MMP2: variants seen among roughly 807,000 people sequenced by gnomAD.
MMP2 encodes 72 kDa type IV collagenase.
A neutral mutation model predicts 74.8 loss-of-function variants in MMP2; 39 were observed. The observed-to-expected ratio is 0.52, with a 90% CI of 0.40 to 0.68. The LOEUF is 0.68. MMP2 is among the 30% of genes least tolerant of loss of function. MMP2 has a pLI of 0.00. For missense variants in MMP2, 803 were observed against 878.3 expected, an observed-to-expected ratio of 0.91 and a Z score of 1.08; for synonymous variants, 367 against 339.8, an observed-to-expected ratio of 1.08 and a Z score of -0.88.
chr16:55,492,439 T>A (rs1596819207), intron 8 of MMP2, among the ~76,000 whole-genome samples: 1 of 137,270 alleles, frequency 7.3e-6, no homozygotes, highest in Non-Finnish European at 1.5e-5. Context: ...ATTTATTTAT[T>A]TATTTATTTA....
chr16:55,494,517 G>C (rs1010376506), intron 9 of MMP2, among the ~76,000 whole-genome samples: 1 of 152,200 alleles, frequency 6.6e-6, no homozygotes, highest in Non-Finnish European at 1.5e-5. Flanking sequence ...ACAGTGGGGT[G>C]GGGGGCTGCT....
In MMP2 at chr16:55,482,983, G is replaced by A. The variant is rs748926564; in HGVS notation, c.228G>A (p.Lys76=). ...NLFVLKDTLK[K]MQKFFGLPQT... is the part of the protein sequence containing the mutation. ...TTGTGCTGAAGGACACACTAAAGAA[G>A]ATGCAGAAGTTCTTTGGACTGCCCC... Residue 76 remains lysine, a synonymous_variant, in exon 2 of 13, where the codon AAG becomes AAA. Coordinates refer to ENST00000219070, the MANE Select transcript of MMP2 (RefSeq NM_004530.6). The A allele has an allele frequency of 2.0e-5, 33 of 1,614,092 alleles. No homozygotes were observed. Among genetic ancestry groups the A allele is most frequent in the Non-Finnish European group, 2.7e-5 (32 of 1,180,036 alleles).
intron 12 of MMP2, among the ~76,000 whole-genome samples, chr16:55,504,673 GAC>G (rs1962751624): frequency 7.8e-6 from 1 of 129,030 alleles, no homozygotes; most frequent in African/African-American, 3.0e-5. Flanking sequence ...TTTTTTTTGA[GAC>G]AGAGTCTCCC....
chr16:55,489,877 A>T, intron 7 of MMP2, 53 bp downstream of exon 7: 1 of 1,589,386 alleles, frequency 6.3e-7, no homozygotes, highest in South Asian at 1.1e-5. Context: ...CTTGCCCCTA[A>T]ACTTGCTCCA....
intron 10 of MMP2, among the ~76,000 whole-genome samples, 192 bp from the exon 11 acceptor site, chr16:55,498,097 C>T (rs1337472787): frequency 6.6e-6 from 1 of 152,174 alleles, no homozygotes; most frequent in Non-Finnish European, 1.5e-5. Context: ...CTTGACCAGG[C>T]ACCTTCTGTA....
chr16:55,486,865 C>A (rs752614269), intron 5 of MMP2: 3 of 152,114 alleles, frequency 2.0e-5, no homozygotes, highest in Non-Finnish European at 4.4e-5. Context: ...CTCCCTAACC[C>A]CACTGTAACT....
intron 7 of MMP2, 109 bp from the exon 8 acceptor site, chr16:55,491,692 G>A (rs1962408487): frequency 7.9e-7 from 1 of 1,273,556 alleles, no homozygotes; most frequent in Admixed American, 1.7e-5. Context: ...AGGGTTCTCA[G>A]CCTTACTGTG....
At chr16:55,493,128 A>G (rs777014364) in intron 8 of MMP2, 30 bp from the exon 9 acceptor site, 2 of 1,612,546 alleles carry the variant, frequency 1.2e-6, no homozygotes, top group Non-Finnish European at 1.7e-6. Flanking sequence ...CTGGAGCTGC[A>G]GAGAGTCTAA....
chr16:55,485,042 G>A (rs1962206461), intron 3 of MMP2, among the ~76,000 whole-genome samples: 1 of 152,152 alleles, frequency 6.6e-6, no homozygotes, highest in African/African-American at 2.4e-5. Flanking sequence ...CATGGTGGTA[G>A]AGTAGACAAT....
chr16:55,494,587 G>C (rs1481073804), intron 9 of MMP2, among the ~76,000 whole-genome samples: 1 of 152,130 alleles, frequency 6.6e-6, no homozygotes, highest in East Asian at 1.9e-4. Flanking sequence ...TCTAGAGTGT[G>C]GGTATTAAAA....
chr16:55,503,296 A>G (rs1195341388), intron 12 of MMP2, among the ~76,000 whole-genome samples: 1 of 152,222 alleles, frequency 6.6e-6, no homozygotes, highest in Admixed American at 6.5e-5. Context: ...AAACTTTGTC[A>G]TGCTCTGTTG....
chr16:55,505,185 G>A (rs1345177758), intron 12 of MMP2, among the ~76,000 whole-genome samples, 154 bp from the exon 13 acceptor site: 9 of 151,986 alleles, frequency 5.9e-5, no homozygotes, highest in African/African-American at 2.2e-4. Flanking sequence ...GAACTCCTGG[G>A]CTCAAGCAAT....
In MMP2 at chr16:55,483,140, CG is replaced by C. The variant is rs776869260; in HGVS notation, c.380+9del. ...CAAGAACCAGATCACATACAGGTGC[CG>C]GGGCAGGGCTTGGGGAGGCAGGGCC... On this transcript the variant is annotated splice_donor_region_variant and intron_variant, in intron 2 of 12. Transcript: ENST00000219070. 4.3e-6 allele frequency: 7 copies of C among 1,610,894 alleles called. No individual in the cohort carries two copies. The highest frequency in any genetic ancestry group is 3.3e-5 in the Admixed American group (2 of 59,960).
intron 6 of MMP2, 124 bp from the exon 7 acceptor site, chr16:55,489,527 G>A: frequency 8.2e-7 from 1 of 1,212,464 alleles, no homozygotes; most frequent in Non-Finnish European, 1.2e-6. Flanking sequence ...TGAGTCTAAA[G>A]ATACAGTGCC....
chr16:55,500,491 GCATACACA>G (rs1471788263), intron 11 of MMP2, among the ~76,000 whole-genome samples: 1 of 49,302 alleles, frequency 2.0e-5, no homozygotes, highest in Non-Finnish European at 4.0e-5. Context: ...GCGCATGTGC[GCATACACA>G]CACACACACA....
At chr16:55,485,562 G>T (rs144368469) in intron 4 of MMP2, 42 bp from the exon 5 acceptor site, 49 of 1,612,296 alleles carry the variant, frequency 3.0e-5, no homozygotes, top group Admixed American at 1.0e-4. Flanking sequence ...TCCAAAGAAG[G>T]CCTGGAGAAG....
intron 6 of MMP2, 51 bp downstream of exon 6, chr16:55,488,767 CAA>C: frequency 7.3e-7 from 1 of 1,375,358 alleles, no homozygotes. Context: ...TGCTGTCTGA[CAA>C]AAAAAAAACC....
chr16:55,483,959 A>G (rs1282759180), intron 2 of MMP2, 57 bp from the exon 3 acceptor site: 6 of 1,578,176 alleles, frequency 3.8e-6, no homozygotes, highest in Non-Finnish European at 5.2e-6. Flanking sequence ...ACATACTTGC[A>G]TATACATACA....
At position 55,502,880 on chromosome 16, in the gene MMP2, A is replaced by G. The variant is rs1421021948; in HGVS notation, c.1871A>G (p.Gln624Arg). 1.5e-5 allele frequency: 25 copies of G among 1,613,398 alleles called. No homozygotes were observed. Among genetic ancestry groups the G allele is most frequent in the Non-Finnish European group, 1.9e-5 (23 of 1,179,922 alleles). ...PDNLDAVVDL[Q>R]GGGHSYFFKG... The stretch of plus-strand genomic sequence containing the variant: ...AACCTGGATGCCGTCGTGGACCTGC[A>G]GGGCGGCGGTGAGCCACCCAGGACT... Residue 624 changes from glutamine (Q) to arginine (R), a missense_variant, in exon 12 of 13, where the codon CAG (glutamine) becomes CGG (arginine). Transcript: ENST00000219070.
Sources: gnomAD v4.1 joint callset for allele counts (sites outside exome capture counted in the v4.1 genomes callset) on GRCh38, gnomAD v4.1.1 for gene constraint, MANE v1.5 for transcripts, NCBI Gene and HGNC (gene_info 2026-07-23, HGNC 2026-07-21) for gene names.